The following TUBB8B variants were observed in gnomAD, a reference collection of about 807,000 sequenced individuals.
TUBB8B encodes HSA18p11 beta-tubulin 4Q pseudogene.
TUBB8B carries 26 observed loss-of-function variants against 31.9 expected under a neutral mutation model. The observed-to-expected ratio is 0.81, with a 90% CI of 0.60 to 1.13. The LOEUF (loss-of-function observed/expected upper bound fraction) is 1.13. Among genes scored for constraint, TUBB8B ranks in the 50% most tolerant of loss-of-function variants. TUBB8B has a pLI of 0.00. For missense variants in TUBB8B, 467 were observed against 586.7 expected (o/e 0.80, Z 2.11); for synonymous variants, 173 against 231.0 (o/e 0.75, Z 2.28).
In TUBB8B at chr18:47,714, GTTC is replaced by G. The variant is rs1163452187; in HGVS notation, c.1008_1010del (p.Lys336del). On this transcript the variant is annotated inframe_deletion, in exon 4 of 4. Coordinates refer to ENST00000308911, the MANE Select transcript of TUBB8B (RefSeq NM_001358689.2). ...GGAACCAGTCAGCAAAGTAGCTGCT[GTTC>G]TTATCTTGAATGTTGAACATTTGTT... is the stretch of plus-strand genomic sequence containing the variant. 4 of 1,611,446 alleles carry G rather than the reference GTTC, an allele frequency of 2.5e-6. No homozygotes were observed. Among genetic ancestry groups the G allele is most frequent in the Non-Finnish European group, 3.4e-6 (4 of 1,178,994 alleles).
the TUBB8B span, among the ~76,000 whole-genome samples, chr18:69,569 T>A: frequency 6.6e-6 from 1 of 152,332 alleles, no homozygotes; most frequent in South Asian, 2.1e-4. Context: ...GGAAACTTGC[T>A]CATCCTCATG....
At chr18:50,109 G>A (rs201367336), upstream of TUBB8B, 2 of 355,650 alleles carry the variant, frequency 5.6e-6, no homozygotes, top group African/African-American at 4.3e-5. Context: ...TGATTTAGCT[G>A]GAGTCTTCTG....
the TUBB8B span, among the ~76,000 whole-genome samples, chr18:55,862 T>C: frequency 6.6e-6 from 1 of 151,868 alleles, no homozygotes; most frequent in Non-Finnish European, 1.5e-5. Context: ...CCATGTTTGC[T>C]TTGGTTGTCT....
Position 47,413 on chromosome 18 carries a change from ACTC to A in TUBB8B, c.1309_1311del (p.Glu437del), listed in dbSNP as rs746011258. The A allele has an allele frequency of 3.9e-4, 453 of 1,166,308 alleles. 6 individuals carry two copies. The highest frequency in any genetic ancestry group is 2.3e-4 in the African/African-American group (14 of 61,980). The allele number at this position is 1,166,308 out of a possible 1,614,324, so 72.2% of individuals were successfully genotyped here. ...TTCTAGGCCACCTCCTCCTCGGCAT[ACTC>A]CTCATCCTCCTCCTCCTCGGCCGTG... On this transcript the variant is annotated inframe_deletion, in exon 4 of 4. Coordinates refer to ENST00000308911, the MANE Select transcript of TUBB8B (RefSeq NM_001358689.2).
upstream of TUBB8B, among the ~76,000 whole-genome samples, chr18:52,515 C>T (rs1166307941): frequency 6.6e-6 from 1 of 151,684 alleles, no homozygotes; most frequent in Non-Finnish European, 1.5e-5. Context: ...TAATATTATA[C>T]CCTAGGGCCT....
chr18:49,976 T>C, upstream of TUBB8B: 1 of 448,866 alleles, frequency 2.2e-6, no homozygotes, highest in Non-Finnish European at 4.5e-6. Flanking sequence ...ATTTCATCTA[T>C]TAGGAGATCT....
At chr18:70,933 C>T in the TUBB8B span, among the ~76,000 whole-genome samples, 3 of 110,262 alleles carry the variant, frequency 2.7e-5, no homozygotes, top group African/African-American at 8.8e-5. Flanking sequence ...GAGTGAAAAT[C>T]TGTCTCAAAA....
upstream of TUBB8B, among the ~76,000 whole-genome samples, chr18:53,540 T>C (rs796167062): frequency 6.6e-6 from 1 of 151,758 alleles, no homozygotes; most frequent in South Asian, 2.1e-4. Context: ...ACCATCTTGG[T>C]TCACTGAAAC....
chr18:47,832 T>C lies in TUBB8B; in HGVS notation c.893A>G (p.Asn298Ser). The C allele has an allele frequency of 6.2e-7, 1 of 1,611,456 alleles. No individual in the cohort carries two copies. Among genetic ancestry groups the C allele is most frequent in the Non-Finnish European group, 8.5e-7 (1 of 1,179,580 alleles). ...ELTQQMFDAK[N>S]MMAACDPRHG... ...ACGGGGGTCACAGGCAGCCATCATGTTCTTAGCATCAAACATCTGCTGGGT... is the reference window on the plus strand; with the variant it reads ...ACGGGGGTCACAGGCAGCCATCATGCTCTTAGCATCAAACATCTGCTGGGT... Residue 298 changes from asparagine to serine, a missense_variant, in exon 4 of 4, where the codon AAC becomes AGC. By Grantham distance (46) the Asn-to-Ser change is conservative (BLOSUM62 1). This residue lies in a region of TUBB8B where 208 missense variants were observed against 206.7 expected (regional missense o/e 1.01). Transcript: ENST00000308911.
chr18:66,424 C>G, the TUBB8B span, among the ~76,000 whole-genome samples: 1 of 152,018 alleles, frequency 6.6e-6, no homozygotes, highest in Admixed American at 6.6e-5. Flanking sequence ...TGGTGGTGCA[C>G]ACCTGTAGTC....
chr18:68,283 C>T, the TUBB8B span, among the ~76,000 whole-genome samples: 1 of 152,180 alleles, frequency 6.6e-6, no homozygotes, highest in South Asian at 2.1e-4. Flanking sequence ...ACACAAAACA[C>T]TCCAGTGTAT....
the TUBB8B span, among the ~76,000 whole-genome samples, chr18:55,972 G>T: frequency 6.6e-6 from 1 of 151,724 alleles, no homozygotes; most frequent in Admixed American, 6.6e-5. Flanking sequence ...TGAGGTGTTA[G>T]GTTTAAGTCC....
chr18:73,173 T>A, the TUBB8B span: 1 of 152,822 alleles, frequency 6.5e-6, no homozygotes, highest in Non-Finnish European at 1.5e-5. Context: ...ATCTTGGCCT[T>A]GCGCTAGGGG....
chr18:62,547 G>A, the TUBB8B span, among the ~76,000 whole-genome samples: 2 of 151,110 alleles, frequency 1.3e-5, 1 homozygote, highest in Non-Finnish European at 3.0e-5. Context: ...GCCTCCCAAG[G>A]AGCTAGGACT....
the TUBB8B span, among the ~76,000 whole-genome samples, chr18:66,993 T>TTG: frequency 1.4e-5 from 2 of 140,046 alleles, no homozygotes; most frequent in African/African-American, 6.0e-5. Flanking sequence ...TCTTGTTTTT[T>TTG]TTGTTTTTTT....
intron 3 of TUBB8B, 24 bp downstream of exon 3, chr18:48,916 C>T: frequency 1.1e-5 from 17 of 1,483,494 alleles, no homozygotes; most frequent in Admixed American, 1.7e-5. Flanking sequence ...AGGAGCCGCA[C>T]CCCAGTCCTC....
At chr18:57,369 C>A in the TUBB8B span, among the ~76,000 whole-genome samples, 1 of 151,630 alleles carries the variant, frequency 6.6e-6, no homozygotes. Context: ...AGGAATAAAT[C>A]AGCTAAAAAA....
At chr18:59,236 C>A in the TUBB8B span, among the ~76,000 whole-genome samples, 10 of 151,758 alleles carry the variant, frequency 6.6e-5, no homozygotes, top group Non-Finnish European at 1.3e-4. Flanking sequence ...AATTTGACTT[C>A]TTTTCCAATT....
chr18:55,025 T>C, the TUBB8B span, among the ~76,000 whole-genome samples: 9 of 152,038 alleles, frequency 5.9e-5, no homozygotes, highest in Admixed American at 5.9e-4. Context: ...TTTTTTTCTA[T>C]AGAATGTTTT....
Sources: allele counts gnomAD v4.1 joint callset (sites outside exome capture counted in the v4.1 genomes callset), GRCh38; gene constraint gnomAD v4.1.1; regional missense constraint gnomAD v4.1.1; transcripts MANE v1.5; gene names NCBI Gene and HGNC (gene_info 2026-07-23, HGNC 2026-07-21).